CSMD1: variants seen among roughly 807,000 people sequenced by gnomAD.
The protein encoded by CSMD1 is CUB and Sushi multiple domains 1, also known as CUB and sushi domain-containing protein 1.
In CSMD1, 213 loss-of-function variants were observed where a neutral mutation model predicts 417.5. The observed-to-expected ratio is 0.51, with a 90% CI of 0.46 to 0.57. CSMD1 has a LOEUF of 0.57. Ranked by LOEUF, CSMD1 falls within the 20% of genes least tolerant of loss-of-function variation. CSMD1 has a pLI of 0.00. For synonymous variants in CSMD1, 2,862 were observed against 1,736.8 expected, an observed-to-expected ratio of 1.65 and a Z score of -16.11; for missense variants, 6,923 against 4,529.7, an observed-to-expected ratio of 1.53 and a Z score of -15.17.
At chr8:4,790,779 T>C (rs1797645624) in intron 1 of CSMD1, among the ~76,000 whole-genome samples, 1 of 152,180 alleles carries the variant, frequency 6.6e-6, no homozygotes, top group African/African-American at 2.4e-5. Flanking sequence ...TGGCTAGCCA[T>C]ATGCAGAAGA....
At chr8:4,091,700 G>A (rs1304932606) in intron 3 of CSMD1, among the ~76,000 whole-genome samples, 1 of 152,200 alleles carries the variant, frequency 6.6e-6, no homozygotes, top group Non-Finnish European at 1.5e-5. Flanking sequence ...ACTTAGGAAA[G>A]CTGATAAAGG....
intron 1 of CSMD1, among the ~76,000 whole-genome samples, chr8:4,921,278 G>A (rs557457478): frequency 2.0e-5 from 3 of 152,244 alleles, no homozygotes; most frequent in South Asian, 2.1e-4. Flanking sequence ...GCCAATCTGA[G>A]TGGGGGTGCT....
rs1030006055 is a variant in CSMD1, at chr8:3,605,154, G to C, written c.1097+11556C>G. Among the ~76,000 whole-genome samples the C allele has an allele frequency of 8.5e-5, 13 of 152,212 alleles. No individual in the cohort carries two copies. In the East Asian group the frequency reaches 2.1e-3, roughly 25 times the overall value. On this transcript the variant is annotated intron_variant, in intron 8 of 69. Transcript: ENST00000635120. ...GGACTACAGGCGCATGCCATGTCTG[G>C]CTAATTTTTGTATTTTTAGTAGAAA...
intron 1 of CSMD1, among the ~76,000 whole-genome samples, chr8:4,957,855 C>T (rs1036799842): frequency 1.3e-5 from 2 of 152,164 alleles, no homozygotes; most frequent in Non-Finnish European, 2.9e-5. Flanking sequence ...CTCCTGCAGT[C>T]ACTCTGCCAG....
chr8:3,811,891 T>C (rs1801111325), intron 5 of CSMD1, among the ~76,000 whole-genome samples: 1 of 152,170 alleles, frequency 6.6e-6, no homozygotes, highest in Non-Finnish European at 1.5e-5. Context: ...TTTTTGCTCA[T>C]TTGAAGCCTA....
intron 1 of CSMD1, among the ~76,000 whole-genome samples, chr8:4,662,027 A>T (rs1185007269): frequency 1.3e-5 from 2 of 152,178 alleles, no homozygotes; most frequent in Admixed American, 1.3e-4. Context: ...TATATCATGG[A>T]CATACACAGG....
Position 4,419,944 on chromosome 8 carries a change from A to G in CSMD1, c.415+9T>C, listed in dbSNP as rs1430114056. 4 of 1,539,838 alleles carry G rather than the reference A, an allele frequency of 2.6e-6. No homozygotes were observed. The Admixed American group carries it at 5.7e-5, about 22-fold the overall frequency. On this transcript the variant is annotated intron_variant, in intron 3 of 69. Transcript: ENST00000635120. ...TGAATGCATGTGCAAAACACAACCA[A>G]TCTCCTACCTTCATATAATGCTTTG...
intron 1 of CSMD1, among the ~76,000 whole-genome samples, chr8:4,939,918 C>T (rs1327060477): frequency 6.6e-6 from 1 of 151,958 alleles, no homozygotes; most frequent in African/African-American, 2.4e-5. Flanking sequence ...AATATATATA[C>T]AATTTTGATT....
At chr8:4,122,602 C>G (rs982084964) in intron 3 of CSMD1, among the ~76,000 whole-genome samples, 1 of 152,184 alleles carries the variant, frequency 6.6e-6, no homozygotes, top group South Asian at 2.1e-4. Flanking sequence ...AATTAGGGCT[C>G]TTCTGCAGAG....
At chr8:3,700,333 TG>T (rs1800785728) in intron 7 of CSMD1, among the ~76,000 whole-genome samples, 1 of 152,104 alleles carries the variant, frequency 6.6e-6, no homozygotes, top group Non-Finnish European at 1.5e-5. Context: ...TACTGGGAGA[TG>T]TGAGAGAAAT....
In CSMD1 at chr8:3,881,894, C is replaced by T. The variant is rs111855974; in HGVS notation, c.818+116009G>A. Among the ~76,000 whole-genome samples, 1,149 of 152,204 alleles carry T rather than the reference C, an allele frequency of 7.5e-3. 14 individuals are homozygous for T. The highest frequency in any genetic ancestry group is 0.025 in the African/African-American group (1,030 of 41,538). On this transcript the variant is annotated intron_variant, in intron 5 of 69. Coordinates refer to ENST00000635120, the MANE Select transcript of CSMD1 (RefSeq NM_033225.6). Reference sequence around the variant, plus strand: ...TCCATAAATGGGGCTGGGTCAGTTGCATGTTCATACAGAAAAAGTTACCTG... The same window carrying T: ...TCCATAAATGGGGCTGGGTCAGTTGTATGTTCATACAGAAAAAGTTACCTG...
At chr8:4,023,026 T>C (rs1421153079) in intron 4 of CSMD1, among the ~76,000 whole-genome samples, 1 of 152,218 alleles carries the variant, frequency 6.6e-6, no homozygotes, top group Non-Finnish European at 1.5e-5. Context: ...TTTTTCTTCT[T>C]CCTGAGCTCA....
chr8:4,549,413 G>A (rs1318773414), intron 2 of CSMD1, among the ~76,000 whole-genome samples: 1 of 152,104 alleles, frequency 6.6e-6, no homozygotes, highest in Non-Finnish European at 1.5e-5. Context: ...TTCTAATTGT[G>A]ATTTATTTCT....
intron 7 of CSMD1, among the ~76,000 whole-genome samples, chr8:3,674,319 T>G (rs948479412): frequency 3.9e-5 from 6 of 152,176 alleles, no homozygotes; most frequent in Non-Finnish European, 8.8e-5. Flanking sequence ...TTCTTTGAAC[T>G]TACCATGTAA....
At chr8:3,284,924 A>G (rs1189484462) in intron 25 of CSMD1, among the ~76,000 whole-genome samples, 2 of 152,222 alleles carry the variant, frequency 1.3e-5, no homozygotes, top group Admixed American at 6.5e-5. Context: ...TGGGTAACAT[A>G]AACTCCCTTC....
chr8:4,067,873 T>C (rs982505246), intron 3 of CSMD1, among the ~76,000 whole-genome samples: 1 of 152,072 alleles, frequency 6.6e-6, no homozygotes, highest in African/African-American at 2.4e-5. Flanking sequence ...GGTCAAGAGA[T>C]GGAGACCATC....
At chr8:4,064,937 A>T (rs1008460555) in intron 3 of CSMD1, among the ~76,000 whole-genome samples, 1 of 152,198 alleles carries the variant, frequency 6.6e-6, no homozygotes, top group African/African-American at 2.4e-5. Context: ...CTTAAAAAAA[A>T]AAACCTTACC....
At chr8:3,037,565 C>G (rs1695311870) in intron 50 of CSMD1, among the ~76,000 whole-genome samples, 1 of 152,114 alleles carries the variant, frequency 6.6e-6, no homozygotes, top group African/African-American at 2.4e-5. Flanking sequence ...CATGGGTGTG[C>G]ATGTGTCTTT....
At chr8:4,836,175 C>T (rs1040418519) in intron 1 of CSMD1, among the ~76,000 whole-genome samples, 4 of 152,264 alleles carry the variant, frequency 2.6e-5, no homozygotes, top group South Asian at 2.1e-4. Flanking sequence ...TTATTTAAAT[C>T]GTTAATTGTG....
Sources: gnomAD v4.1 joint callset for allele counts (sites outside exome capture counted in the v4.1 genomes callset) on GRCh38, gnomAD v4.1.1 for gene constraint, MANE v1.5 for transcripts, NCBI Gene and HGNC (gene_info 2026-07-23, HGNC 2026-07-21) for gene names.